NDST4: variants seen among roughly 807,000 people sequenced by gnomAD.
The protein encoded by NDST4 is N-deacetylase and N-sulfotransferase 4, also known as N-heparan sulfate sulfotransferase 4.
A neutral mutation model predicts 100.8 loss-of-function variants in NDST4; 63 were observed. That is an observed-to-expected ratio of 0.62 (90% CI 0.51 to 0.77). The LOEUF is 0.77. Ranked by LOEUF, NDST4 falls within the 30% of genes least tolerant of loss-of-function variation. The pLI is 0.00. For synonymous variants in NDST4, 377 were observed against 361.8 expected (o/e 1.04, Z -0.48); for missense variants, 943 against 1,018.4 (o/e 0.93, Z 1.01).
intron 11 of NDST4, among the ~76,000 whole-genome samples, chr4:114,836,619 T>A (rs1360529637): frequency 6.6e-6 from 1 of 152,158 alleles, no homozygotes; most frequent in Non-Finnish European, 1.5e-5. Context: ...TCATGGAGTA[T>A]CTTAGTGGTG....
intron 6 of NDST4, among the ~76,000 whole-genome samples, chr4:114,915,827 G>A (rs1458273433): frequency 6.6e-6 from 1 of 151,998 alleles, no homozygotes; most frequent in Non-Finnish European, 1.5e-5. Context: ...GAAGAAGGAG[G>A]AGAAGGAGAG....
At chr4:114,900,242 A>G (rs1724806602) in intron 6 of NDST4, among the ~76,000 whole-genome samples, 1 of 151,804 alleles carries the variant, frequency 6.6e-6, no homozygotes, top group Non-Finnish European at 1.5e-5. Context: ...GCGTAACTAT[A>G]GGCGTATTAC....
rs146163308 is a variant in NDST4 at position 115,022,658 on chromosome 4, C to T, written c.979-45384G>A. ...AAATGAAATGGTTTGGCTATGTCCC[C>T]ACCCGAATCTCATCTTGAATTGTAT... On this transcript the variant is annotated intron_variant, in intron 2 of 13. Transcript: ENST00000264363. Among the ~76,000 whole-genome samples, 398 of 152,154 alleles carry T rather than the reference C, an allele frequency of 2.6e-3. 3 individuals carry two copies. Among genetic ancestry groups the T allele is most frequent in the African/African-American group, 8.7e-3 (360 of 41,536 alleles).
intron 7 of NDST4, among the ~76,000 whole-genome samples, chr4:114,858,641 G>A (rs1008245155): frequency 6.6e-6 from 1 of 152,200 alleles, no homozygotes; most frequent in African/African-American, 2.4e-5. Context: ...ACCAACAGGT[G>A]CCTCTACTGT....
At chr4:114,953,967 G>A (rs1163854265) in intron 4 of NDST4, among the ~76,000 whole-genome samples, 2 of 152,082 alleles carry the variant, frequency 1.3e-5, no homozygotes, top group Non-Finnish European at 2.9e-5. Context: ...ATATAAATGA[G>A]CTTCAAGCTT....
intron 2 of NDST4, among the ~76,000 whole-genome samples, chr4:115,054,395 T>C (rs141439923): frequency 6.6e-6 from 1 of 152,294 alleles, no homozygotes; most frequent in East Asian, 1.9e-4. Flanking sequence ...TTTTTCAAAC[T>C]AGAATAAATC....
At chr4:115,033,705 C>T (rs1397621733) in intron 2 of NDST4, among the ~76,000 whole-genome samples, 1 of 151,912 alleles carries the variant, frequency 6.6e-6, no homozygotes, top group Non-Finnish European at 1.5e-5. Flanking sequence ...AAAGACTGCA[C>T]AATATAAACC....
chr4:114,865,524 C>A (rs1724009624), intron 7 of NDST4, among the ~76,000 whole-genome samples: 1 of 152,184 alleles, frequency 6.6e-6, no homozygotes, highest in Non-Finnish European at 1.5e-5. Flanking sequence ...CAGTATTATG[C>A]ACTCATATAT....
At chr4:115,057,949 C>T (rs1560583700) in intron 2 of NDST4, among the ~76,000 whole-genome samples, 1 of 151,882 alleles carries the variant, frequency 6.6e-6, no homozygotes, top group East Asian at 1.9e-4. Flanking sequence ...AACTAGTAGG[C>T]AAATGTAAAT....
intron 13 of NDST4, 119 bp downstream of exon 13, chr4:114,829,671 T>C (rs1475214831): frequency 4.7e-6 from 3 of 637,216 alleles, no homozygotes; most frequent in Non-Finnish European, 8.0e-6. Flanking sequence ...TCTAAGTATA[T>C]AAAATTATTA....
intron 1 of NDST4, among the ~76,000 whole-genome samples, chr4:115,089,068 C>A (rs1025095982): frequency 6.6e-6 from 1 of 151,962 alleles, no homozygotes; most frequent in Non-Finnish European, 1.5e-5. Flanking sequence ...AACAATTATG[C>A]CAAAACAACA....
chr4:115,046,433 A>G (rs746834634), intron 2 of NDST4, among the ~76,000 whole-genome samples: 2 of 152,178 alleles, frequency 1.3e-5, no homozygotes, highest in Non-Finnish European at 2.9e-5. Flanking sequence ...GTCACTCAGT[A>G]AAAGAAAGCC....
intron 2 of NDST4, among the ~76,000 whole-genome samples, chr4:115,046,643 T>C (rs981244134): frequency 5.3e-5 from 8 of 152,058 alleles, no homozygotes; most frequent in Admixed American, 2.0e-4. Context: ...GTGTATCAGA[T>C]AGATGATAAG....
At chr4:114,992,545 G>GTT (rs758350450) in intron 2 of NDST4, among the ~76,000 whole-genome samples, 1 of 137,462 alleles carries the variant, frequency 7.3e-6, no homozygotes. Flanking sequence ...TTATAGGAAG[G>GTT]TTTTTTTTTT....
chr4:114,888,505 C>T (rs933084944), intron 6 of NDST4, among the ~76,000 whole-genome samples: 5 of 152,122 alleles, frequency 3.3e-5, no homozygotes, highest in South Asian at 2.1e-4. Context: ...CTAGTCTTTG[C>T]GACTGCCTTA....
At chr4:114,918,289 A>G (rs1419005136) in intron 6 of NDST4, among the ~76,000 whole-genome samples, 1 of 150,726 alleles carries the variant, frequency 6.6e-6, no homozygotes, top group Non-Finnish European at 1.5e-5. Context: ...TGAAGGAGCA[A>G]TCATGTACTG....
intron 6 of NDST4, among the ~76,000 whole-genome samples, chr4:114,891,525 C>A: frequency 6.6e-6 from 1 of 152,032 alleles, no homozygotes; most frequent in East Asian, 1.9e-4. Context: ...AGTTACCAGT[C>A]CTTTTGATTC....
At position 115,010,333 on chromosome 4, in the gene NDST4, A is replaced by G. The variant is rs576394364; in HGVS notation, c.979-33059T>C. On this transcript the variant is annotated intron_variant, in intron 2 of 13. Transcript: ENST00000264363. ...TGGATTAAGAAAATGTGGCACATAT[A>G]CACCATGGAATACTATGCAGCCATA... Among the ~76,000 whole-genome samples, 191 of 128,124 alleles carry G rather than the reference A, an allele frequency of 1.5e-3. 29 individuals are homozygous for G. Among genetic ancestry groups the G allele is most frequent in the Non-Finnish European group, 8.2e-4 (49 of 59,934 alleles). 84.1% of individuals were successfully genotyped at this position (128,124 alleles called of 152,430 possible).
intron 11 of NDST4, among the ~76,000 whole-genome samples, chr4:114,838,201 A>G (rs961345646): frequency 2.0e-4 from 31 of 152,210 alleles, no homozygotes; most frequent in African/African-American, 7.5e-4. Context: ...AGAAATAGGA[A>G]TGCTTTTACA....
Sources: allele counts gnomAD v4.1 joint callset (sites outside exome capture counted in the v4.1 genomes callset), GRCh38; gene constraint gnomAD v4.1.1; transcripts MANE v1.5; gene names NCBI Gene and HGNC (gene_info 2026-07-23, HGNC 2026-07-21).